XRN1: variants seen among roughly 807,000 people sequenced by gnomAD.
The protein encoded by XRN1 is strand-exchange protein 1 homolog.
Under a neutral mutation model 222.3 loss-of-function variants are expected in XRN1, and 67 were observed. That is an observed-to-expected ratio of 0.30 (90% CI 0.25 to 0.37). The LOEUF is 0.37. Ranked by LOEUF, XRN1 falls within the 10% of genes least tolerant of loss-of-function variation. The pLI is 1.00. For missense variants in XRN1, 1,707 were observed against 2,000.2 expected (o/e 0.85, Z 2.80); for synonymous variants, 643 against 652.4 (o/e 0.99, Z 0.22).
intron 20 of XRN1, among the ~76,000 whole-genome samples, chr3:142,385,274 G>C (rs2067454065): frequency 6.6e-6 from 1 of 152,100 alleles, no homozygotes; most frequent in Non-Finnish European, 1.5e-5. Flanking sequence ...CCATACAATG[G>C]AATATTATTC....
chr3:142,365,094 A>G lies in XRN1; in HGVS notation c.3347T>C (p.Phe1116Ser). 1.9e-6 allele frequency: 3 copies of G among 1,613,532 alleles called. No homozygotes were observed. The highest frequency in any genetic ancestry group is 2.5e-6 in the Non-Finnish European group (3 of 1,179,698). The change falls in exon 29 of 41, where the codon TTC becomes TCC. Residue 1116 changes from phenylalanine (F) to serine (S), a missense_variant. Around this residue, in one of 2 missense-constraint regions of XRN1, gnomAD observed 1,234 missense variants for 1,518.2 expected, o/e 0.81. Coordinates refer to ENST00000392981, the MANE Select transcript of XRN1 (RefSeq NM_001282857.2). ...FDRVVNVRENFSVPVGLRGTI... is the reference protein window; with the variant it reads ...FDRVVNVRENSSVPVGLRGTI... Reference sequence around the variant, plus strand: ...GCCTCGAAGGCCAACTGGAACTGAGAAGTTTTCTCTCACATTTACAACACG... The same window carrying G: ...GCCTCGAAGGCCAACTGGAACTGAGGAGTTTTCTCTCACATTTACAACACG...
At chr3:142,390,213 C>T (rs2067665669) in intron 20 of XRN1, among the ~76,000 whole-genome samples, 1 of 152,208 alleles carries the variant, frequency 6.6e-6, no homozygotes, top group South Asian at 2.1e-4. Context: ...TAACCAGTTG[C>T]ACTTTTCCCT....
chr3:142,347,740 C>A (rs1233969362), intron 32 of XRN1, among the ~76,000 whole-genome samples: 1 of 151,526 alleles, frequency 6.6e-6, no homozygotes, highest in Non-Finnish European at 1.5e-5. Flanking sequence ...TGGGACTACA[C>A]GTGAGTACCA....
rs1046479598 is a variant in XRN1, at chr3:142,310,062, T to C, written c.*1449A>G. The C allele has an allele frequency of 1.3e-5, 2 of 152,650 alleles. No homozygotes were observed. The highest frequency in any genetic ancestry group is 4.8e-5 in the African/African-American group (2 of 41,456). 9.5% of individuals were successfully genotyped at this position (152,650 alleles called of 1,614,324 possible). ...ACAGATAATGAATATTTCTCTCTTA[T>C]ACTGAAGGCACTGCTAATACACAAA... On this transcript the variant is annotated 3_prime_UTR_variant, in exon 41 of 41. Transcript: ENST00000392981.
intron 1 of XRN1, among the ~76,000 whole-genome samples, 197 bp from the exon 2 acceptor site, chr3:142,433,090 T>C (rs2069701526): frequency 6.6e-6 from 1 of 152,224 alleles, no homozygotes; most frequent in East Asian, 1.9e-4. Context: ...TTTTATATAA[T>C]GCACCAATGA....
At chr3:142,383,189 CT>C in intron 22 of XRN1, 110 bp downstream of exon 22, 2 of 853,240 alleles carry the variant, frequency 2.3e-6, no homozygotes, top group South Asian at 3.2e-5. Context: ...TGGATAAATT[CT>C]TTATTTTTTC....
chr3:142,410,496 T>TTG (rs1181210435), intron 15 of XRN1, among the ~76,000 whole-genome samples: 22 of 132,582 alleles, frequency 1.7e-4, no homozygotes, highest in African/African-American at 6.5e-4. Context: ...TGTTTTTTTT[T>TTG]TTTTTTTTTT....
chr3:142,384,563 G>T lies in XRN1; in HGVS notation c.2462C>A (p.Ser821Ter). The change falls in exon 21 of 41, where the codon TCA (serine) becomes TAA (stop). Residue 821 changes from serine to a stop codon, truncating the protein, a stop_gained. Coordinates refer to ENST00000392981, the MANE Select transcript of XRN1 (RefSeq NM_001282857.2). LOFTEE classifies it high-confidence loss of function. ...ATAAACAAAAGGAACAACTTGTTTT[G>T]ACCACTGTTTCTCTAGACGAACTTC... ...NGEVRLEKQW[S>*]KQVVPFVYQT... The T allele has an allele frequency of 1.9e-6, 3 of 1,611,726 alleles. No homozygotes were observed. The highest frequency in any genetic ancestry group is 1.1e-5 in the South Asian group (1 of 90,574).
intron 1 of XRN1, among the ~76,000 whole-genome samples, chr3:142,439,059 C>T (rs938724342): frequency 2.6e-5 from 4 of 152,100 alleles, no homozygotes; most frequent in Non-Finnish European, 5.9e-5. Flanking sequence ...TTCGGCCCAG[C>T]CAGAGTGCAT....
At chr3:142,399,985 TTTA>T (rs2068069242) in intron 19 of XRN1, among the ~76,000 whole-genome samples, 1 of 152,070 alleles carries the variant, frequency 6.6e-6, no homozygotes, top group Admixed American at 6.6e-5. Flanking sequence ...TATCTAAACA[TTTA>T]TTGATATAAA....
In XRN1 at chr3:142,397,407, G is replaced by A; in HGVS notation, c.2261C>T (p.Ala754Val). The change falls in exon 20 of 41, where the codon GCC becomes GTC. Residue 754 changes from alanine (A) to valine (V), a missense_variant. Ala to Val is a moderately conservative substitution (Grantham distance 64). Coordinates refer to ENST00000392981, the MANE Select transcript of XRN1 (RefSeq NM_001282857.2). The stretch of plus-strand genomic sequence containing the variant: ...AAGATGAACCACTTTAGATGGTGGG[G>A]CAGTTCTTCCTGAATAAAGCTTCTG... The part of the protein sequence containing the change: ...GTQKLYSGRT[A>V]PPSKVVHLGD... 3.7e-6 allele frequency: 6 copies of A among 1,608,904 alleles called. No homozygotes were observed. Among genetic ancestry groups the A allele is most frequent in the Non-Finnish European group, 5.1e-6 (6 of 1,177,030 alleles).
intron 23 of XRN1, among the ~76,000 whole-genome samples, chr3:142,377,106 C>A (rs1180743383): frequency 6.6e-6 from 1 of 151,644 alleles, no homozygotes; most frequent in Admixed American, 6.6e-5. Flanking sequence ...TTCTTTTCCC[C>A]TAATATTTAC....
intron 15 of XRN1, among the ~76,000 whole-genome samples, chr3:142,407,940 T>C (rs73864540): frequency 0.033 from 4,957 of 152,336 alleles, 252 homozygotes; most frequent in African/African-American, 0.11. Flanking sequence ...GATATCTTCA[T>C]TTGTAGCTTT....
rs2066783100 is a variant in XRN1, at chr3:142,365,365, T to C, written c.3206A>G (p.Gln1069Arg). ...KIEEEVEKCK[Q>R]RKNNKKVRVT... The stretch of plus-strand genomic sequence containing the variant: ...TCGCACCTTCTTATTATTCTTTCTT[T>C]GCTGAGGAAAAAGAAAAATTGTTAA... Residue 1069 changes from glutamine (Q) to arginine (R), a missense_variant and splice_region_variant, in exon 28 of 41, where the codon CAA becomes CGA. By Grantham distance (43) the Gln-to-Arg change is conservative. This residue lies in a region of XRN1 where 1,234 missense variants were observed against 1,518.2 expected (regional missense o/e 0.81). Transcript: ENST00000392981. 6.4e-7 allele frequency: 1 copy of C among 1,557,370 alleles called. No homozygotes were observed. Among genetic ancestry groups the C allele is most frequent in the African/African-American group, 1.4e-5 (1 of 73,580 alleles).
At chr3:142,418,436 A>T (rs762494711) in intron 12 of XRN1, 68 bp downstream of exon 12, 1 of 1,292,768 alleles carries the variant, frequency 7.7e-7, no homozygotes, top group African/African-American at 1.5e-5. Flanking sequence ...CATCAAAATC[A>T]TATTTTCTGA....
At chr3:142,353,969 A>G (rs1412826292) in intron 32 of XRN1, among the ~76,000 whole-genome samples, 2 of 152,174 alleles carry the variant, frequency 1.3e-5, no homozygotes, top group Non-Finnish European at 2.9e-5. Context: ...ACTTAATTCA[A>G]CAAGCAAAAA....
chr3:142,331,207 T>C (rs2065686893), intron 36 of XRN1, among the ~76,000 whole-genome samples: 1 of 152,202 alleles, frequency 6.6e-6, no homozygotes, highest in African/African-American at 2.4e-5. Flanking sequence ...ACATCCACTT[T>C]TGTATCAGTC....
Position 142,311,894 on chromosome 3 carries a change from G to A in XRN1, c.4783-81C>T. 12 of 1,376,924 alleles carry A rather than the reference G, an allele frequency of 8.7e-6. No individual in the cohort carries two copies. The South Asian group carries it at 1.3e-4, about 15-fold the overall frequency. The allele number at this position is 1,376,924 out of a possible 1,614,324, so 85.3% of individuals were successfully genotyped here. ...TTGGAAATTACCATAAACCATGCATGCTGTTAATATTTGTCAATCACAGCT... is the reference window on the plus strand; with the variant it reads ...TTGGAAATTACCATAAACCATGCATACTGTTAATATTTGTCAATCACAGCT... On this transcript the variant is annotated intron_variant, in intron 40 of 40. Coordinates refer to ENST00000392981, the MANE Select transcript of XRN1 (RefSeq NM_001282857.2).
chr3:142,441,500 G>A (rs1364317709), intron 1 of XRN1, among the ~76,000 whole-genome samples: 1 of 152,206 alleles, frequency 6.6e-6, no homozygotes, highest in African/African-American at 2.4e-5. Flanking sequence ...GCTTGCAACC[G>A]TGGCATACCT....
Sources: allele counts gnomAD v4.1 joint callset (sites outside exome capture counted in the v4.1 genomes callset), GRCh38; gene constraint gnomAD v4.1.1; regional missense constraint gnomAD v4.1.1; transcripts MANE v1.5; gene names NCBI Gene and HGNC (gene_info 2026-07-23, HGNC 2026-07-21).